Variants in MS4A12 observed in about 807,000 individuals in gnomAD.
MS4A12 encodes membrane spanning 4-domains A12, also known as membrane-spanning 4-domains subfamily A member 12.
Under a neutral mutation model 23.7 loss-of-function variants are expected in MS4A12, and 28 were observed. The observed-to-expected ratio is 1.18, with a 90% confidence interval of 0.88 to 1.62. The LOEUF is 1.62. Among genes scored for constraint, MS4A12 ranks in the 40% most tolerant of loss-of-function variants. The probability of loss-of-function intolerance (pLI) is 0.00; values close to 1 mark genes in which losing one functional copy is unlikely to be tolerated. For missense variants in MS4A12, 342 were observed against 327.0 expected (o/e 1.05, Z -0.35); for synonymous variants, 108 against 110.1 (o/e 0.98, Z 0.12).
chr11:60,498,597 C>T (rs7939177), intron 2 of MS4A12, among the ~76,000 whole-genome samples: 87,000 of 151,984 alleles, frequency 0.57, 25,057 homozygotes, highest in East Asian at 0.65. Flanking sequence ...TCTGCCCTCA[C>T]AGAACTTACG....
intron 1 of MS4A12, chr11:60,493,099 G>C (rs1273257360): frequency 1.3e-5 from 2 of 152,162 alleles, no homozygotes; most frequent in Non-Finnish European, 2.9e-5. Context: ...ATGCTCGCTG[G>C]GTGCGGTGGC....
In MS4A12 at chr11:60,497,362, C is replaced by A. The variant is rs1461568056; in HGVS notation, c.44C>A (p.Thr15Asn). The A allele has an allele frequency of 1.9e-6, 3 of 1,614,056 alleles. No homozygotes were observed. The highest frequency in any genetic ancestry group is 2.2e-5 in the East Asian group (1 of 44,878). The part of the protein sequence containing the change: ...KPTSHAEVNE[T>N]IPNPYPPSSF... Reference sequence around the variant, plus strand: ...ACAAGCCATGCTGAAGTAAATGAAACCATACCCAACCCTTACCCACCAAGC... The same window carrying A: ...ACAAGCCATGCTGAAGTAAATGAAAACATACCCAACCCTTACCCACCAAGC... Residue 15 changes from threonine (T) to asparagine (N), a missense_variant, in exon 2 of 7, where the codon ACC (threonine) becomes AAC (asparagine). Physicochemically the swap from Thr to Asn is moderately conservative, Grantham distance 65 (BLOSUM62 0). Transcript: ENST00000016913.
chr11:60,502,251 T>C (rs1398092208), intron 4 of MS4A12, among the ~76,000 whole-genome samples: 1 of 152,194 alleles, frequency 6.6e-6, no homozygotes, highest in Non-Finnish European at 1.5e-5. Flanking sequence ...TCCTGACTCT[T>C]GAATTCACAA....
chr11:60,501,086 A>T lies in MS4A12; in HGVS notation c.318A>T (p.Gly106=), dbSNP rs1157852910. 11 of 1,612,168 alleles carry T rather than the reference A, an allele frequency of 6.8e-6. No homozygotes were observed. The highest frequency in any genetic ancestry group is 9.3e-6 in the Non-Finnish European group (11 of 1,179,404). ...IMVGLMHIGF[G]IVLCLISFSF... ...TTGGATTGATGCACATTGGTTTTGG[A>T]ATTGTTTTGTGTTTAATATCCTTCT... The change falls in exon 3 of 7, where the codon GGA becomes GGT. Residue 106 remains glycine, a synonymous_variant. Coordinates refer to ENST00000016913, the MANE Select transcript of MS4A12 (RefSeq NM_017716.3).
chr11:60,498,415 T>C (rs1025549638), intron 2 of MS4A12, among the ~76,000 whole-genome samples: 1 of 152,182 alleles, frequency 6.6e-6, no homozygotes, highest in Non-Finnish European at 1.5e-5. Flanking sequence ...TGAGCATAAG[T>C]TCTCCTGCAG....
At chr11:60,494,068 G>C (rs2086470114) in intron 1 of MS4A12, among the ~76,000 whole-genome samples, 1 of 152,158 alleles carries the variant, frequency 6.6e-6, no homozygotes, top group Non-Finnish European at 1.5e-5. Context: ...ATCTATAAAA[G>C]GAGTCTATTT....
At chr11:60,504,858 C>G (rs1403780224) in intron 5 of MS4A12, among the ~76,000 whole-genome samples, 1 of 152,082 alleles carries the variant, frequency 6.6e-6, no homozygotes, top group Non-Finnish European at 1.5e-5. Flanking sequence ...CTAGGCACTC[C>G]CATCAGATGC....
At chr11:60,500,040 C>A (rs533940569) in intron 2 of MS4A12, among the ~76,000 whole-genome samples, 8 of 113,738 alleles carry the variant, frequency 7.0e-5, no homozygotes, top group African/African-American at 2.8e-4. Flanking sequence ...AAGATCCAGA[C>A]CTTCCTGGCT....
Position 60,503,814 on chromosome 11 carries a change from C to T in MS4A12, c.585C>T (p.Ala195=), listed in dbSNP as rs771226235. 28 of 1,611,656 alleles carry T rather than the reference C, an allele frequency of 1.7e-5. No individual in the cohort carries two copies. The highest frequency in any genetic ancestry group is 5.3e-5 in the African/African-American group (4 of 74,904). Residue 195 remains alanine, a synonymous_variant, in exon 5 of 7, where the codon GCC becomes GCT. Coordinates refer to ENST00000016913, the MANE Select transcript of MS4A12 (RefSeq NM_017716.3). ...INGVAGQDYW[A]VLSGKGISAT... is the part of the protein sequence containing the mutation. ...GGGTAGCTGGCCAAGACTACTGGGCCGTGGTAAGTATCCCATACTCCACCA... is the reference window on the plus strand; with the variant it reads ...GGGTAGCTGGCCAAGACTACTGGGCTGTGGTAAGTATCCCATACTCCACCA...
chr11:60,506,580 C>T, intron 5 of MS4A12, 148 bp from the exon 6 acceptor site: 1 of 615,986 alleles, frequency 1.6e-6, no homozygotes, highest in Middle Eastern at 3.8e-4. Flanking sequence ...TCACACTCCT[C>T]TGGAACAAGC....
intron 2 of MS4A12, among the ~76,000 whole-genome samples, chr11:60,499,007 T>C (rs748166711): frequency 6.6e-6 from 1 of 152,218 alleles, no homozygotes; most frequent in Non-Finnish European, 1.5e-5. Context: ...AGGCTTTGGC[T>C]TTGACTGGGT....
intron 2 of MS4A12, 30 bp from the exon 3 acceptor site, chr11:60,501,015 T>A (rs1250775244): frequency 6.3e-7 from 1 of 1,577,898 alleles, no homozygotes; most frequent in Non-Finnish European, 8.6e-7. Context: ...AGTGAAGAAG[T>A]AATTTTAAAT....
intron 2 of MS4A12, 116 bp downstream of exon 2, chr11:60,497,710 T>G: frequency 8.7e-7 from 1 of 1,152,248 alleles, no homozygotes; most frequent in Non-Finnish European, 1.2e-6. Flanking sequence ...AAATTATCTC[T>G]TTTAGACAGA....
intron 2 of MS4A12, among the ~76,000 whole-genome samples, chr11:60,499,229 G>A (rs1481049251): frequency 1.3e-5 from 2 of 152,240 alleles, no homozygotes; most frequent in Non-Finnish European, 2.9e-5. Flanking sequence ...ACCTGTACCA[G>A]TCAACTCAGA....
At chr11:60,503,892 A>G in intron 5 of MS4A12, 75 bp downstream of exon 5, 1 of 1,229,906 alleles carries the variant, frequency 8.1e-7, no homozygotes, top group South Asian at 1.4e-5. Flanking sequence ...TTATTTCTTA[A>G]TACCGTATAC....
At chr11:60,500,841 C>T (rs906017040) in intron 2 of MS4A12, among the ~76,000 whole-genome samples, 6 of 152,196 alleles carry the variant, frequency 3.9e-5, no homozygotes, top group Non-Finnish European at 7.3e-5. Flanking sequence ...CAAAACAGGG[C>T]GTTTCACTAA....
chr11:60,506,834 A>C lies in MS4A12; in HGVS notation c.695A>C (p.Asn232Thr), dbSNP rs1286542708. The change falls in exon 6 of 7, where the codon AAT (asparagine) becomes ACT (threonine). Residue 232 changes from asparagine to threonine, a missense_variant. Transcript: ENST00000016913. ...HFANQANTTT[N>T]MSVLVIPNMY... is the part of the protein sequence containing the mutation. ...GCCAACCAAGCAAACACCACAACCA[A>C]TATGGTGAGTTGGGTCTCTTCTTTG... 2.5e-6 allele frequency: 4 copies of C among 1,610,466 alleles called. No homozygotes were observed. The highest frequency in any genetic ancestry group is 3.4e-6 in the Non-Finnish European group (4 of 1,176,772).
chr11:60,504,413 T>TA (rs1590863429), intron 5 of MS4A12, among the ~76,000 whole-genome samples: 1 of 152,200 alleles, frequency 6.6e-6, no homozygotes, highest in African/African-American at 2.4e-5. Flanking sequence ...CAACATGGTA[T>TA]AAAATGAGGT....
intron 1 of MS4A12, among the ~76,000 whole-genome samples, chr11:60,495,525 G>A (rs189085795): frequency 6.6e-6 from 1 of 151,786 alleles, no homozygotes; most frequent in Admixed American, 6.6e-5. Context: ...TAATAATAGA[G>A]CCAACCCTGT....
Sources: gnomAD v4.1 joint callset for allele counts (sites outside exome capture counted in the v4.1 genomes callset) on GRCh38, gnomAD v4.1.1 for gene constraint, MANE v1.5 for transcripts, NCBI Gene and HGNC (gene_info 2026-07-23, HGNC 2026-07-21) for gene names.